BAHCC1: variants seen among roughly 807,000 people sequenced by gnomAD.
BAHCC1 encodes the protein BAH domain and coiled-coil containing 1.
A neutral mutation model predicts 88.2 loss-of-function variants in BAHCC1; 43 were observed. The observed-to-expected ratio is 0.49, with a 90% confidence interval of 0.38 to 0.63. The LOEUF is 0.63. Ranked by LOEUF, BAHCC1 falls within the 20% of genes least tolerant of loss-of-function variation. The probability of loss-of-function intolerance (pLI) is 0.00; values close to 1 mark genes in which losing one functional copy is unlikely to be tolerated. For missense variants in BAHCC1, 3,023 were observed against 1,654.8 expected, an observed-to-expected ratio of 1.83 and a Z score of -14.34; for synonymous variants, 1,510 against 745.5, an observed-to-expected ratio of 2.03 and a Z score of -16.71.
At chr17:81,421,910 T>C in intron 2 of BAHCC1, 1 of 399,554 alleles carries the variant, frequency 2.5e-6, no homozygotes, top group Non-Finnish European at 5.0e-6. Context: ...CGACCCCATG[T>C]GATACTGGAG....
At chr17:81,455,804 C>A (rs118050939) in intron 15 of BAHCC1, among the ~76,000 whole-genome samples, 1 of 152,230 alleles carries the variant, frequency 6.6e-6, no homozygotes, top group Non-Finnish European at 1.5e-5. Flanking sequence ...GCTGCTGGCA[C>A]CCTGTTTCTT....
intron 18 of BAHCC1, 66 bp downstream of exon 18, chr17:81,458,532 C>A (rs4993645): frequency 1.8e-4 from 117 of 646,854 alleles, no homozygotes; most frequent in Admixed American, 4.5e-4. Flanking sequence ...CCTTCCCCGC[C>A]CTCCCCCGCA....
chr17:81,449,253 G>A (rs994312937), intron 11 of BAHCC1, among the ~76,000 whole-genome samples: 3 of 152,116 alleles, frequency 2.0e-5, no homozygotes, highest in Non-Finnish European at 2.9e-5. Flanking sequence ...TCTGCCCTCC[G>A]GGTCTCCACC....
At chr17:81,458,075 G>A in intron 17 of BAHCC1, 90 bp from the exon 18 acceptor site, 1 of 678,120 alleles carries the variant, frequency 1.5e-6, no homozygotes, top group Non-Finnish European at 2.7e-6. Context: ...GGGTTGCTAG[G>A]TAACCAGGAG....
rs1555659899 is a variant in BAHCC1 at position 81,462,851 on chromosome 17, A to G, written c.7495A>G (p.Asn2499Asp). 1 of 782,044 alleles carries G rather than the reference A, an allele frequency of 1.3e-6. No homozygotes were observed. Among genetic ancestry groups the G allele is most frequent in the Non-Finnish European group, 2.4e-6 (1 of 419,374 alleles). 48.4% of individuals were successfully genotyped at this position (782,044 alleles called of 1,614,324 possible). ...CGTCTTCCTGTCAGCTGGGCGGCCC[A>G]ACCTCCCCTACATCGGCCGCATCGA... ...CAVFLSAGRP[N>D]LPYIGRIESM... The change falls in exon 27 of 28, where the codon AAC becomes GAC. Residue 2499 changes from asparagine to aspartate, a missense_variant. Asn to Asp is a conservative substitution (Grantham distance 23, BLOSUM62 1). Transcript: ENST00000675386.
intron 2 of BAHCC1, among the ~76,000 whole-genome samples, chr17:81,418,560 G>A (rs1555649056): frequency 6.6e-6 from 1 of 152,166 alleles, no homozygotes; most frequent in Non-Finnish European, 1.5e-5. Flanking sequence ...CAGGGCAGCT[G>A]TTCATCCCGG....
chr17:81,424,007 G>T (rs571294971), intron 2 of BAHCC1, among the ~76,000 whole-genome samples: 1 of 152,226 alleles, frequency 6.6e-6, no homozygotes, highest in Non-Finnish European at 1.5e-5. Context: ...AGCGCCATCC[G>T]CAGCTCTGTG....
Position 81,462,542 on chromosome 17 carries a change from G to A in BAHCC1, c.7384-198G>A, listed in dbSNP as rs2030391003. On this transcript the variant is annotated intron_variant, in intron 26 of 27. Transcript: ENST00000675386. ...TGATTCCATGTGCGGGCTCCGTGGA[G>A]GCGTGGCCCCTGCTCCAGATCCATG... 20 of 580,046 alleles carry A rather than the reference G, an allele frequency of 3.4e-5. 1 individual carries two copies. In the South Asian group the frequency reaches 3.9e-4, roughly 11 times the overall value. The allele number at this position is 580,046 out of a possible 1,614,324, so 35.9% of individuals were successfully genotyped here. A position where few individuals can be genotyped will look rare whatever the true frequency, so the allele number is the denominator to read the frequency against.
chr17:81,398,738 G>A (rs2063771786), intron 1 of BAHCC1, among the ~76,000 whole-genome samples: 2 of 151,392 alleles, frequency 1.3e-5, no homozygotes, highest in South Asian at 2.1e-4. Context: ...CGGGCACTGC[G>A]GCGTGGCGGC....
intron 2 of BAHCC1, among the ~76,000 whole-genome samples, chr17:81,424,702 GTGA>G (rs1359619712): frequency 2.6e-5 from 4 of 151,696 alleles, no homozygotes; most frequent in South Asian, 4.2e-4. Flanking sequence ...GATGTGGTTG[GTGA>G]TGATAATGTG....
intron 2 of BAHCC1, among the ~76,000 whole-genome samples, chr17:81,425,073 G>A (rs1555650125): frequency 9.6e-6 from 1 of 104,490 alleles, no homozygotes; most frequent in African/African-American, 3.7e-5. Context: ...TGATGTGGTT[G>A]GTGGGTGATG....
chr17:81,418,739 G>A (rs918896903), intron 2 of BAHCC1, among the ~76,000 whole-genome samples: 6 of 151,946 alleles, frequency 3.9e-5, no homozygotes, highest in Non-Finnish European at 1.5e-5. Context: ...GCCAAGGTGC[G>A]CACACCCACA....
At position 81,463,778 on chromosome 17, in the gene BAHCC1, G is replaced by C; in HGVS notation, c.7788G>C (p.Gly2596=). ...YLAGTYDPTT[G]RLVTADGVPI... ...CGGGCACCTACGACCCCACCACCGG[G>C]CGCCTGGTGACGGCTGATGGCGTGC... Residue 2596 remains glycine, a synonymous_variant, in exon 28 of 28, where the codon GGG becomes GGC. Transcript: ENST00000675386. 1 of 763,980 alleles carries C rather than the reference G, an allele frequency of 1.3e-6. No individual in the cohort carries two copies. The highest frequency in any genetic ancestry group is 1.4e-5 in the South Asian group (1 of 72,730). 47.3% of individuals were successfully genotyped at this position (763,980 alleles called of 1,614,324 possible). A position where few individuals can be genotyped will look rare whatever the true frequency, so the allele number is the denominator to read the frequency against.
intron 3 of BAHCC1, among the ~76,000 whole-genome samples, chr17:81,430,891 C>T (rs1344292883): frequency 1.3e-5 from 2 of 152,098 alleles, no homozygotes; most frequent in African/African-American, 4.8e-5. Context: ...CCTTGCCCTG[C>T]CTAGACCTGC....
Position 81,435,124 on chromosome 17 carries a change from ACTCT to A in BAHCC1, c.359-3240_359-3237del, listed in dbSNP as rs1555651525. Among the ~76,000 whole-genome samples the A allele has an allele frequency of 6.7e-6, 1 of 148,728 alleles. No homozygotes were observed. Among genetic ancestry groups the A allele is most frequent in the African/African-American group, 2.5e-5 (1 of 39,992 alleles). ...CACCCCCGACCCCCACTGACTGCCC[ACTCT>A]CTCTCCTCCTGCCCACACCACAGGC... is the stretch of plus-strand genomic sequence containing the variant. On this transcript the variant is annotated intron_variant, in intron 3 of 27. Transcript: ENST00000675386. This position sits in a 1 kb window ranked among gnomAD's most constrained non-coding sequence, Gnocchi z 4.4.
At chr17:81,439,857 G>C (rs782246705) in intron 4 of BAHCC1, among the ~76,000 whole-genome samples, 27 of 152,122 alleles carry the variant, frequency 1.8e-4, no homozygotes, top group Non-Finnish European at 3.4e-4. Context: ...CTGTGGGGTA[G>C]GGACCCGAGG....
At chr17:81,462,669 TGCCTCCTGGCCGCCACCTGTCCCCACA>T (rs1337773399) in intron 26 of BAHCC1, 44 bp from the exon 27 acceptor site, 5 of 700,476 alleles carry the variant, frequency 7.1e-6, no homozygotes, top group Admixed American at 5.9e-5. Flanking sequence ...ACACCCTCCA[TGCCTCCTGGCCGCCACCTGTCCCCACA>T]GCCCCCCGGC....
rs782263237 is a variant in BAHCC1 at position 81,443,066 on chromosome 17, T to C, written c.1717T>C (p.Ser573Pro). Residue 573 changes from serine to proline, a missense_variant, in exon 5 of 28, where the codon TCC becomes CCC. Physicochemically the swap from Ser to Pro is moderately conservative, Grantham distance 74. Coordinates refer to ENST00000675386, the MANE Select transcript of BAHCC1 (RefSeq NM_001377448.1). ...EAKRKSLELA[S>P]LGYSGPHLPP... is the part of the protein sequence containing the mutation. ...CAAGCGCAAGTCCCTGGAGCTGGCA[T>C]CCCTGGGCTACAGTGGGCCCCACCT... 2 of 778,192 alleles carry C rather than the reference T, an allele frequency of 2.6e-6. No homozygotes were observed. The highest frequency in any genetic ancestry group is 3.4e-5 in the African/African-American group (2 of 59,154). The allele number at this position is 778,192 out of a possible 1,614,324, so 48.2% of individuals were successfully genotyped here. A position where few individuals can be genotyped will look rare whatever the true frequency, so the allele number is the denominator to read the frequency against.
rs1225393458 is a variant in BAHCC1 at position 81,462,733 on chromosome 17, C to T, written c.7384-7C>T. 6 of 745,646 alleles carry T rather than the reference C, an allele frequency of 8.0e-6. No homozygotes were observed. The highest frequency in any genetic ancestry group is 1.3e-5 in the Non-Finnish European group (5 of 398,140). 46.2% of individuals were successfully genotyped at this position (745,646 alleles called of 1,614,324 possible). On this transcript the variant is annotated splice_region_variant and splice_polypyrimidine_tract_variant and intron_variant, in intron 26 of 27. Transcript: ENST00000675386. ...TCTCAGAGCCACCCTGCCCATGTCC[C>T]CCACAGCGGCGTGGCATGAAGGGGA...
Sources: gnomAD v4.1 joint callset for allele counts (sites outside exome capture counted in the v4.1 genomes callset) on GRCh38, gnomAD v4.1.1 for gene constraint, Gnocchi (gnomAD v3.1) non-coding constraint, MANE v1.5 for transcripts, NCBI Gene and HGNC (gene_info 2026-07-23, HGNC 2026-07-21) for gene names.